FAM167A: variants seen among roughly 807,000 people sequenced by gnomAD.
The protein encoded by FAM167A is family with sequence similarity 167 member A, also known as protein FAM167A.
Under a neutral mutation model 14.9 loss-of-function variants are expected in FAM167A, and 23 were observed. That is an observed-to-expected ratio of 1.55 (90% CI 1.11 to 2.19). The LOEUF (loss-of-function observed/expected upper bound fraction) is 2.19, where lower values mean the gene tolerates loss of function less well. Among genes scored for constraint, FAM167A ranks in the 30% most tolerant of loss-of-function variants. The pLI, the probability that FAM167A is intolerant of heterozygous loss-of-function variation, is 0.00. For synonymous variants in FAM167A, 174 were observed against 117.7 expected (o/e 1.48, Z -3.10); for missense variants, 401 against 281.5 (o/e 1.42, Z -3.04).
intron 2 of FAM167A, among the ~76,000 whole-genome samples, chr8:11,430,329 G>A (rs1177981905): frequency 2.0e-5 from 3 of 152,252 alleles, no homozygotes; most frequent in South Asian, 2.1e-4. Flanking sequence ...AAGAAGGGAA[G>A]GGCGGCAGCC....
intron 1 of FAM167A, among the ~76,000 whole-genome samples, chr8:11,447,558 G>A (rs1188841515): frequency 6.6e-6 from 1 of 152,226 alleles, no homozygotes; most frequent in Non-Finnish European, 1.5e-5. Flanking sequence ...ATCTGCCCAT[G>A]TGAGCCCCAA....
chr8:11,439,266 C>G (rs1806271493), intron 2 of FAM167A, among the ~76,000 whole-genome samples: 2 of 152,256 alleles, frequency 1.3e-5, no homozygotes, highest in Admixed American at 1.3e-4. Context: ...ATGGAAGGTT[C>G]CCTAGATGGG....
intron 2 of FAM167A, 63 bp downstream of exon 2, chr8:11,443,966 GAA>G: frequency 1.3e-6 from 2 of 1,542,974 alleles, no homozygotes; most frequent in African/African-American, 1.4e-5. Flanking sequence ...GAGAGAGACA[GAA>G]AAAGACACAG....
rs938768205 is a variant in FAM167A, at chr8:11,424,301, G to C, written c.*72C>G. ...CCGGGAGACCCACTGGAGTAACTTGGCCTCAGCTTCCTCTGACACCCCTCC... is the reference window on the plus strand; with the variant it reads ...CCGGGAGACCCACTGGAGTAACTTGCCCTCAGCTTCCTCTGACACCCCTCC... On this transcript the variant is annotated 3_prime_UTR_variant, in exon 3 of 3. Transcript: ENST00000284486. 6.9e-6 allele frequency: 11 copies of C among 1,588,410 alleles called. No homozygotes were observed. The Admixed American group carries it at 1.0e-4, about 15-fold the overall frequency.
chr8:11,470,111 G>A (rs1175274816), upstream of FAM167A, among the ~76,000 whole-genome samples: 4 of 152,128 alleles, frequency 2.6e-5, no homozygotes, highest in Non-Finnish European at 2.9e-5. Flanking sequence ...GCAGGCAGAC[G>A]ATGACCGACA....
At chr8:11,445,339 G>A in intron 1 of FAM167A, 1 of 986,194 alleles carries the variant, frequency 1.0e-6, no homozygotes, top group Non-Finnish European at 1.2e-6. Flanking sequence ...ACCCACCACA[G>A]GTCCTGTCCT....
In FAM167A at chr8:11,444,365, C is replaced by T; in HGVS notation, c.47G>A (p.Gly16Glu). ...ATCGGGTGGTGCGGCTGCTCCCGCC[C>T]CCTCTTCTGCACCCACTTCTTCCAC... Reference protein sequence around the residue: ...IHVEEVGAEEGAGAAAPPDDH... With the variant: ...IHVEEVGAEEEAGAAAPPDDH... Residue 16 changes from glycine (G) to glutamate (E), a missense_variant, in exon 2 of 3, where the codon GGG becomes GAG. Transcript: ENST00000284486. 1.0e-5 allele frequency: 16 copies of T among 1,588,874 alleles called. No individual in the cohort carries two copies. The highest frequency in any genetic ancestry group is 1.4e-5 in the Non-Finnish European group (16 of 1,167,840).
intron 1 of FAM167A, among the ~76,000 whole-genome samples, chr8:11,454,828 T>C (rs56003968): frequency 0.14 from 21,183 of 152,160 alleles, 2,007 homozygotes; most frequent in Non-Finnish European, 0.21. Flanking sequence ...GGCCTCTGGC[T>C]GGGCTCAGCA....
At position 11,427,094 on chromosome 8, in the gene FAM167A, T is replaced by C. The variant is rs370395169; in HGVS notation, c.382-2458A>G. Among the ~76,000 whole-genome samples, 16 of 152,308 alleles carry C rather than the reference T, an allele frequency of 1.1e-4. 1 individual carries two copies. The highest frequency in any genetic ancestry group is 3.6e-4 in the African/African-American group (15 of 41,570). On this transcript the variant is annotated intron_variant, in intron 2 of 2. Transcript: ENST00000284486. The stretch of plus-strand genomic sequence containing the variant: ...AGGTTTTGTCTTTGCAGCTATCTTA[T>C]CTAGAAATAAAATGGGAGGCAGCTT...
chr8:11,465,950 A>G (rs974423303), intron 1 of FAM167A, among the ~76,000 whole-genome samples: 7 of 152,188 alleles, frequency 4.6e-5, no homozygotes, highest in African/African-American at 1.2e-4. Context: ...GCCGGGAATA[A>G]AAACCAGGCA....
At chr8:11,464,126 G>A (rs1054741396) in intron 1 of FAM167A, among the ~76,000 whole-genome samples, 2 of 152,094 alleles carry the variant, frequency 1.3e-5, no homozygotes, top group African/African-American at 4.8e-5. Context: ...GAGCAGGCAG[G>A]CAGTGTGCAG....
chr8:11,443,906 G>C (rs1221194464), intron 2 of FAM167A, 125 bp downstream of exon 2: 1 of 1,213,766 alleles, frequency 8.2e-7, no homozygotes, highest in African/African-American at 1.5e-5. Context: ...TGTGCACTTG[G>C]GGGTTAGAGA....
chr8:11,449,517 T>G (rs984598193), intron 1 of FAM167A, among the ~76,000 whole-genome samples: 1 of 152,106 alleles, frequency 6.6e-6, no homozygotes, highest in Middle Eastern at 3.2e-3. Flanking sequence ...TTTCTTTACA[T>G]GTAACCTGGG....
Position 11,424,650 on chromosome 8 carries a change from G to C in FAM167A, c.382-14C>G, listed in dbSNP as rs1008791752. On this transcript the variant is annotated splice_polypyrimidine_tract_variant and intron_variant, in intron 2 of 2. Transcript: ENST00000284486. ...CCGCATCTCCGTCTGGAAGGGAGGG[G>C]GAGCAGGCAGGGTCAGCAGAGAGTG... 1 of 1,612,416 alleles carries C rather than the reference G, an allele frequency of 6.2e-7. No homozygotes were observed. Among genetic ancestry groups the C allele is most frequent in the Admixed American group, 1.7e-5 (1 of 60,008 alleles).
intron 2 of FAM167A, among the ~76,000 whole-genome samples, chr8:11,428,651 C>T (rs1257235408): frequency 2.0e-5 from 3 of 152,204 alleles, no homozygotes; most frequent in Non-Finnish European, 4.4e-5. Flanking sequence ...TTTAGATGCT[C>T]ACAATACATA....
intron 1 of FAM167A, among the ~76,000 whole-genome samples, chr8:11,455,171 T>G (rs1807185909): frequency 9.8e-6 from 1 of 102,346 alleles, no homozygotes; most frequent in African/African-American, 3.7e-5. Context: ...GTGGGGTTGT[T>G]GCCTTGCTGA....
rs1806667534 is a variant in FAM167A, at chr8:11,444,591, T to C, written c.-180A>G. ...AGGGGAGCTGAGAGGGACCGCGCAG[T>C]GAGCCGCACAGGGCGCCCTCCTGGA... is the stretch of plus-strand genomic sequence containing the variant. On this transcript the variant is annotated 5_prime_UTR_variant, in exon 2 of 3. Transcript: ENST00000284486. 1 of 1,416,302 alleles carries C rather than the reference T, an allele frequency of 7.1e-7. No homozygotes were observed. Among genetic ancestry groups the C allele is most frequent in the South Asian group, 1.6e-5 (1 of 63,476 alleles). The allele number at this position is 1,416,302 out of a possible 1,614,324, so 87.7% of individuals were successfully genotyped here. A position where few individuals can be genotyped will look rare whatever the true frequency, so the allele number is the denominator to read the frequency against.
chr8:11,442,007 G>T (rs138631836), intron 2 of FAM167A, among the ~76,000 whole-genome samples: 1 of 152,222 alleles, frequency 6.6e-6, no homozygotes, highest in Non-Finnish European at 1.5e-5. Context: ...TAGAGGAGCG[G>T]AAACAGTGCA....
At chr8:11,429,054 C>T (rs555059023) in intron 2 of FAM167A, among the ~76,000 whole-genome samples, 96 of 152,116 alleles carry the variant, frequency 6.3e-4, no homozygotes, top group African/African-American at 2.0e-3. Context: ...GTCGCGCAAC[C>T]ACCATCCATC....
Sources: gnomAD v4.1 joint callset for allele counts (sites outside exome capture counted in the v4.1 genomes callset) on GRCh38, gnomAD v4.1.1 for gene constraint, MANE v1.5 for transcripts, NCBI Gene and HGNC (gene_info 2026-07-23, HGNC 2026-07-21) for gene names.